SPECC1: variants seen among roughly 807,000 people sequenced by gnomAD.
SPECC1 encodes sperm antigen with calponin homology and coiled-coil domains 1.
A neutral mutation model predicts 104.1 loss-of-function variants in SPECC1; 62 were observed. That is an observed-to-expected ratio of 0.60 (90% confidence interval 0.49 to 0.74). The LOEUF (loss-of-function observed/expected upper bound fraction) is 0.74. Among genes scored for constraint, SPECC1 ranks in the 30% least tolerant of loss-of-function variants. The pLI is 0.00. For synonymous variants in SPECC1, 513 were observed against 501.6 expected, an observed-to-expected ratio of 1.02 and a Z score of -0.30; for missense variants, 1,306 against 1,310.5, an observed-to-expected ratio of 1.00 and a Z score of 0.05.
intron 12 of SPECC1, among the ~76,000 whole-genome samples, chr17:20,282,734 T>A (rs550455526): frequency 1.3e-5 from 2 of 152,212 alleles, no homozygotes; most frequent in African/African-American, 4.8e-5. Context: ...GCCATGAGCA[T>A]GGCCCCTGCA....
intron 7 of SPECC1, chr17:20,239,296 T>C (rs1285662034): frequency 9.9e-7 from 1 of 1,011,634 alleles, no homozygotes; most frequent in Non-Finnish European, 1.2e-6. Context: ...AAGAAAAATA[T>C]TAATCTTTCT....
intron 7 of SPECC1, among the ~76,000 whole-genome samples, chr17:20,236,430 C>T (rs998237048): frequency 9.2e-5 from 14 of 152,146 alleles, no homozygotes; most frequent in African/African-American, 2.4e-4. Context: ...CCTGATTTTA[C>T]AGATTTCAAC....
At chr17:20,064,690 G>T (rs142198256) in intron 1 of SPECC1, among the ~76,000 whole-genome samples, 4 of 152,104 alleles carry the variant, frequency 2.6e-5, no homozygotes, top group Non-Finnish European at 5.9e-5. Flanking sequence ...ATGTACCAGC[G>T]TATTGTAACT....
At chr17:20,091,648 A>G (rs1371610518) in intron 1 of SPECC1, among the ~76,000 whole-genome samples, 1 of 152,218 alleles carries the variant, frequency 6.6e-6, no homozygotes, top group Non-Finnish European at 1.5e-5. Flanking sequence ...GCTCCAGCTC[A>G]GTATTTTCAA....
chr17:20,273,586 G>A (rs971730265), intron 12 of SPECC1, among the ~76,000 whole-genome samples: 3 of 152,104 alleles, frequency 2.0e-5, no homozygotes, highest in Admixed American at 6.5e-5. Flanking sequence ...ACTGTCCTCT[G>A]GGTGTGCACA....
intron 1 of SPECC1, among the ~76,000 whole-genome samples, chr17:20,022,508 C>CT (rs2044434552): frequency 6.6e-6 from 1 of 152,146 alleles, no homozygotes; most frequent in Non-Finnish European, 1.5e-5. Context: ...ATTCTATAAC[C>CT]TGAATAGTCA....
chr17:20,241,819 G>C (rs2039216678), intron 7 of SPECC1, among the ~76,000 whole-genome samples: 2 of 152,204 alleles, frequency 1.3e-5, no homozygotes, highest in Admixed American at 6.5e-5. Context: ...ACTTCTGTTA[G>C]ATTTGTTTTA....
chr17:20,107,176 A>AAAAAC (rs1443260186), intron 2 of SPECC1, among the ~76,000 whole-genome samples: 4 of 150,290 alleles, frequency 2.7e-5, no homozygotes, highest in African/African-American at 9.7e-5. Flanking sequence ...AAAAGAAAAG[A>AAAAAC]AAAACAAAAG....
At chr17:20,236,944 C>T (rs774292773) in intron 7 of SPECC1, 3 of 1,612,246 alleles carry the variant, frequency 1.9e-6, no homozygotes, top group East Asian at 2.2e-5. Context: ...GCAGCCATCT[C>T]TAGATGAAAG....
In SPECC1 at chr17:20,232,201, A is replaced by G. The variant is rs755010211; in HGVS notation, c.2147A>G (p.Glu716Gly). The stretch of plus-strand genomic sequence containing the variant: ...AAGGATGGGCTCTGACATTTTCAGG[A>G]GGAGACCGAGGAATGGAGGCGGTTC... ...QLKTLTKQMK[E>G]ETEEWRRFQA... is the part of the protein sequence containing the mutation. Residue 716 changes from glutamate to glycine, a missense_variant and splice_region_variant, in exon 7 of 15, where the codon GAG (glutamate) becomes GGG (glycine). Around this residue, in one of 2 missense-constraint regions of SPECC1, gnomAD observed 1,177 missense variants for 1,139.9 expected, o/e 1.03. Transcript: ENST00000395527. The G allele has an allele frequency of 5.6e-6, 9 of 1,613,870 alleles. No individual in the cohort carries two copies. The East Asian group carries it at 2.0e-4, about 36-fold the overall frequency.
intron 12 of SPECC1, among the ~76,000 whole-genome samples, chr17:20,272,368 A>C (rs187687976): frequency 6.6e-6 from 1 of 151,058 alleles, no homozygotes; most frequent in African/African-American, 2.4e-5. Flanking sequence ...CATCATTTCA[A>C]TTGTTTTTTA....
intron 3 of SPECC1, among the ~76,000 whole-genome samples, chr17:20,194,502 A>ATTT (rs1209589252): frequency 0.013 from 1,094 of 86,524 alleles, 68 homozygotes; most frequent in African/African-American, 0.031. Context: ...AAGAGAACGA[A>ATTT]TTTTTTTTTT....
At chr17:20,239,067 G>C (rs1312254025) in intron 7 of SPECC1, 5 of 1,032,676 alleles carry the variant, frequency 4.8e-6, no homozygotes, top group Non-Finnish European at 5.8e-6. Context: ...CATGGAATAT[G>C]AACAGTTTCA....
intron 1 of SPECC1, among the ~76,000 whole-genome samples, chr17:20,023,137 T>G (rs927373051): frequency 2.0e-5 from 3 of 152,232 alleles, no homozygotes; most frequent in African/African-American, 7.2e-5. Context: ...TTTTAGGCTT[T>G]GCAGGGCCGT....
intron 12 of SPECC1, among the ~76,000 whole-genome samples, chr17:20,272,123 C>G (rs2040428947): frequency 6.6e-6 from 1 of 152,052 alleles, no homozygotes; most frequent in Non-Finnish European, 1.5e-5. Flanking sequence ...ACTCACTGCA[C>G]CCTTTCAATA....
chr17:20,123,384 G>C (rs1423263828), intron 3 of SPECC1, among the ~76,000 whole-genome samples: 1 of 152,208 alleles, frequency 6.6e-6, no homozygotes, highest in African/African-American at 2.4e-5. Context: ...GATCAGTAAG[G>C]GCAAGCAGTC....
intron 3 of SPECC1, among the ~76,000 whole-genome samples, chr17:20,120,518 A>G (rs1172500307): frequency 1.3e-5 from 2 of 152,140 alleles, no homozygotes; most frequent in Non-Finnish European, 2.9e-5. Context: ...AAATTGGGGG[A>G]CTTCTGGCAA....
At chr17:20,010,950 G>A (rs561850780) in intron 1 of SPECC1, among the ~76,000 whole-genome samples, 1 of 152,220 alleles carries the variant, frequency 6.6e-6, no homozygotes, top group African/African-American at 2.4e-5. Context: ...GTAGATTTTC[G>A]TCTTAAAATT....
chr17:20,176,427 C>G (rs769212043), intron 3 of SPECC1, among the ~76,000 whole-genome samples: 47 of 152,194 alleles, frequency 3.1e-4, no homozygotes, highest in Non-Finnish European at 2.4e-4. Flanking sequence ...CTCCTTCTCC[C>G]ACTACCCTTC....
Sources: allele counts gnomAD v4.1 joint callset (sites outside exome capture counted in the v4.1 genomes callset), GRCh38; gene constraint gnomAD v4.1.1; regional missense constraint gnomAD v4.1.1; transcripts MANE v1.5; gene names NCBI Gene and HGNC (gene_info 2026-07-23, HGNC 2026-07-21).